GABRG3: variants seen among roughly 807,000 people sequenced by gnomAD.
The protein encoded by GABRG3 is gamma-aminobutyric acid receptor subunit gamma-3.
Under a neutral mutation model 48.8 loss-of-function variants are expected in GABRG3, and 25 were observed. The ratio of observed to expected loss-of-function variants is 0.51; its 90% CI spans 0.37 to 0.72. The LOEUF is 0.72. Among genes scored for constraint, GABRG3 ranks in the 30% least tolerant of loss-of-function variants. The probability of loss-of-function intolerance (pLI) is 0.00; values close to 1 mark genes in which losing one functional copy is unlikely to be tolerated. For synonymous variants in GABRG3, 227 were observed against 217.6 expected (o/e 1.04, Z -0.38); for missense variants, 394 against 577.9 (o/e 0.68, Z 3.26).
intron 3 of GABRG3, among the ~76,000 whole-genome samples, chr15:27,051,127 A>G (rs777710805): frequency 6.6e-6 from 1 of 152,320 alleles, no homozygotes; most frequent in Non-Finnish European, 1.5e-5. Flanking sequence ...TGTTTTTTAC[A>G]TTTGCCTTAA....
Position 27,154,170 on chromosome 15 carries a change from C to A in GABRG3, c.270+127349C>A, listed in dbSNP as rs114132501. 4.2e-3 allele frequency among the ~76,000 whole-genome samples: 646 copies of A among 152,190 alleles called. 4 individuals carry two copies. The highest frequency in any genetic ancestry group is 0.014 in the African/African-American group (597 of 41,528). ...CACCTTGAGGTCTTTCAGCTGTAAA[C>A]TAATGTTATTTATTATAGTGGAGCC... On this transcript the variant is annotated intron_variant, in intron 3 of 9. Transcript: ENST00000615808.
At position 27,308,255 on chromosome 15, in the gene GABRG3, C is replaced by T. The variant is rs915603059; in HGVS notation, c.271-18554C>T. Reference sequence around the variant, plus strand: ...ATATATCCAAACATATATAAACATACGTTTATATATAAACATAATATAAAC... The same window carrying T: ...ATATATCCAAACATATATAAACATATGTTTATATATAAACATAATATAAAC... On this transcript the variant is annotated intron_variant, in intron 3 of 9. Coordinates refer to ENST00000615808, the MANE Select transcript of GABRG3 (RefSeq NM_033223.5). 3.5e-3 allele frequency among the ~76,000 whole-genome samples: 225 copies of T among 63,894 alleles called. 20 individuals carry two copies. The highest frequency in any genetic ancestry group is 0.016 in the East Asian group (15 of 942). The allele number at this position is 63,894 out of a possible 152,430, so 41.9% of individuals were successfully genotyped here.
chr15:27,397,980 A>G (rs890359340), intron 5 of GABRG3, among the ~76,000 whole-genome samples: 27 of 151,584 alleles, frequency 1.8e-4, no homozygotes, highest in Middle Eastern at 3.4e-3. Flanking sequence ...AAATTTTTGT[A>G]TTTTTAGTTG....
chr15:27,500,488 G>T (rs541909303), intron 6 of GABRG3, among the ~76,000 whole-genome samples: 1 of 152,166 alleles, frequency 6.6e-6, no homozygotes, highest in East Asian at 1.9e-4. Context: ...CCTTCGAAAG[G>T]TACAGAGTGG....
intron 2 of GABRG3, among the ~76,000 whole-genome samples, chr15:26,989,943 C>T (rs1895217658): frequency 6.6e-6 from 1 of 152,166 alleles, no homozygotes; most frequent in Admixed American, 6.5e-5. Flanking sequence ...TATGGCATTG[C>T]AAATGACAGG....
chr15:27,429,323 C>A (rs1888380792), intron 5 of GABRG3, among the ~76,000 whole-genome samples: 1 of 152,190 alleles, frequency 6.6e-6, no homozygotes, highest in Non-Finnish European at 1.5e-5. Context: ...GGTAGGCTTA[C>A]ATGGCGATGA....
intron 3 of GABRG3, among the ~76,000 whole-genome samples, chr15:27,139,854 C>T (rs987259539): frequency 1.3e-5 from 2 of 152,118 alleles, no homozygotes; most frequent in African/African-American, 4.8e-5. Context: ...TTTAGCCCCA[C>T]CCCCAACCAC....
At chr15:27,242,288 C>G (rs1890150373) in intron 3 of GABRG3, among the ~76,000 whole-genome samples, 1 of 152,154 alleles carries the variant, frequency 6.6e-6, no homozygotes, top group African/African-American at 2.4e-5. Flanking sequence ...TAAGAGTTCC[C>G]TTATAAGGAT....
chr15:27,306,396 A>G (rs1395817268), intron 3 of GABRG3, among the ~76,000 whole-genome samples: 1 of 139,062 alleles, frequency 7.2e-6, no homozygotes, highest in Non-Finnish European at 1.5e-5. Flanking sequence ...ACATGTAAAC[A>G]TATATATAAT....
chr15:27,418,158 A>G (rs920046502), intron 5 of GABRG3, among the ~76,000 whole-genome samples: 5 of 152,148 alleles, frequency 3.3e-5, no homozygotes, highest in African/African-American at 1.2e-4. Flanking sequence ...AATATGAAGG[A>G]AGGAGGCCTG....
At chr15:27,311,767 G>C (rs563101626) in intron 3 of GABRG3, among the ~76,000 whole-genome samples, 19 of 152,148 alleles carry the variant, frequency 1.2e-4, no homozygotes, top group African/African-American at 4.1e-4. Flanking sequence ...GATGCCTAGG[G>C]ACTGCTTAAA....
intron 5 of GABRG3, among the ~76,000 whole-genome samples, chr15:27,361,892 A>G (rs1381908700): frequency 6.6e-6 from 1 of 152,214 alleles, no homozygotes; most frequent in East Asian, 1.9e-4. Flanking sequence ...GTCTTTAAAT[A>G]TTAGGATTTA....
rs1157149160 is a variant in GABRG3, at chr15:27,474,060, C to T, written c.575-6590C>T. On this transcript the variant is annotated intron_variant, in intron 5 of 9. Transcript: ENST00000615808. Reference sequence around the variant, plus strand: ...CAGGCCTGAACAGGTCCAGCCATCACGGCCATGCTCTCAGGGCTGACTGCA... The same window carrying T: ...CAGGCCTGAACAGGTCCAGCCATCATGGCCATGCTCTCAGGGCTGACTGCA... Among the ~76,000 whole-genome samples the T allele has an allele frequency of 2.8e-5, 4 of 143,658 alleles. No homozygotes were observed. In the East Asian group the frequency reaches 6.3e-4, roughly 23 times the overall value. 94.2% of individuals were successfully genotyped at this position (143,658 alleles called of 152,430 possible).
At chr15:27,103,859 A>G (rs1377270214) in intron 3 of GABRG3, among the ~76,000 whole-genome samples, 1 of 152,162 alleles carries the variant, frequency 6.6e-6, no homozygotes, top group African/African-American at 2.4e-5. Flanking sequence ...CTGCTCTTAT[A>G]TATGTCTTCA....
At chr15:27,038,873 A>G (rs554829567) in intron 3 of GABRG3, among the ~76,000 whole-genome samples, 1 of 152,284 alleles carries the variant, frequency 6.6e-6, no homozygotes, top group East Asian at 1.9e-4. Context: ...CTCCTGAGAG[A>G]GGGAAAGGTG....
intron 5 of GABRG3, among the ~76,000 whole-genome samples, chr15:27,376,430 C>T (rs1293476814): frequency 6.6e-6 from 1 of 152,218 alleles, no homozygotes; most frequent in Non-Finnish European, 1.5e-5. Flanking sequence ...TTTCCTTCTG[C>T]ACTACACTAG....
chr15:27,123,309 C>T (rs763468545), intron 3 of GABRG3, among the ~76,000 whole-genome samples: 6 of 152,092 alleles, frequency 3.9e-5, no homozygotes, highest in East Asian at 3.9e-4. Flanking sequence ...TATATAGAAA[C>T]GTAACCCCCA....
rs571067241 is a variant in GABRG3 at position 27,498,607 on chromosome 15, C to T, written c.712+17820C>T. Among the ~76,000 whole-genome samples the T allele has an allele frequency of 6.6e-5, 10 of 152,090 alleles. No individual in the cohort carries two copies. In the South Asian group the frequency reaches 1.2e-3, roughly 19 times the overall value. On this transcript the variant is annotated intron_variant, in intron 6 of 9. Transcript: ENST00000615808. ...GCCTCCCAGGTTCAAGCAATTTTCC[C>T]GCCCCAGCCTCCTGCTGGGACTACA...
At chr15:27,250,159 G>T (rs1444205587) in intron 3 of GABRG3, among the ~76,000 whole-genome samples, 2 of 152,130 alleles carry the variant, frequency 1.3e-5, no homozygotes, top group African/African-American at 4.8e-5. Flanking sequence ...CAGGAACTGT[G>T]ATGCCTGTGC....
Sources: gnomAD v4.1 joint callset for allele counts (sites outside exome capture counted in the v4.1 genomes callset) on GRCh38, gnomAD v4.1.1 for gene constraint, MANE v1.5 for transcripts, NCBI Gene and HGNC (gene_info 2026-07-23, HGNC 2026-07-21) for gene names.